Variants in PSD3 observed in about 807,000 individuals in gnomAD.
PSD3 encodes the protein PH and SEC7 domain-containing protein 3.
A neutral mutation model predicts 105.5 loss-of-function variants in PSD3; 49 were observed. The observed-to-expected ratio is 0.46, with a 90% CI of 0.37 to 0.59. PSD3 has a LOEUF of 0.59. Among genes scored for constraint, PSD3 ranks in the 20% least tolerant of loss-of-function variants. The pLI is 0.00. For missense variants in PSD3, 1,561 were observed against 1,263.8 expected (o/e 1.24, Z -3.57); for synonymous variants, 557 against 457.8 (o/e 1.22, Z -2.77).
chr8:18,782,454 C>T (rs963087085), intron 8 of PSD3, among the ~76,000 whole-genome samples: 1 of 152,106 alleles, frequency 6.6e-6, no homozygotes, highest in African/African-American at 2.4e-5. Flanking sequence ...TCAGTGGTGT[C>T]TATGAGTTCC....
At chr8:18,663,968 A>G (rs187812495) in intron 9 of PSD3, among the ~76,000 whole-genome samples, 38 of 152,328 alleles carry the variant, frequency 2.5e-4, no homozygotes, top group Middle Eastern at 3.4e-3. Flanking sequence ...GTAATCAGTG[A>G]TCTTTGATGT....
At chr8:19,000,480 C>T (rs6995432) in intron 1 of PSD3, 1 of 151,002 alleles carries the variant, frequency 6.6e-6, no homozygotes, top group African/African-American at 2.4e-5. Context: ...ACATCACACC[C>T]GGTGAACACA....
intron 1 of PSD3, among the ~76,000 whole-genome samples, chr8:19,052,345 G>T (rs560854359): frequency 1.3e-5 from 2 of 151,768 alleles, no homozygotes; most frequent in Admixed American, 1.3e-4. Flanking sequence ...GGTGACATGC[G>T]CCTGTAGTCC....
chr8:18,910,637 TAAAAAAA>T (rs34392783), intron 2 of PSD3, among the ~76,000 whole-genome samples: 51 of 97,108 alleles, frequency 5.3e-4, no homozygotes, highest in African/African-American at 1.6e-3. Context: ...TAGAGTATAA[TAAAAAAA>T]AAAAAAAAAA....
chr8:19,024,162 A>T (rs2129475989), intron 1 of PSD3, among the ~76,000 whole-genome samples: 1 of 152,362 alleles, frequency 6.6e-6, no homozygotes, highest in Middle Eastern at 3.4e-3. Flanking sequence ...AAATGTTTTC[A>T]AAAGCAATAT....
chr8:18,973,672 T>C (rs770707448), intron 1 of PSD3, among the ~76,000 whole-genome samples: 10 of 152,330 alleles, frequency 6.6e-5, no homozygotes, highest in African/African-American at 9.6e-5. Context: ...CAGGACTCAA[T>C]CCTAAGTATA....
chr8:18,815,967 C>A (rs528196396), intron 4 of PSD3, among the ~76,000 whole-genome samples: 22 of 152,148 alleles, frequency 1.4e-4, no homozygotes, highest in African/African-American at 5.1e-4. Flanking sequence ...GAATTAGTAC[C>A]CTGGCAAGAA....
chr8:18,851,729 G>A (rs577573467), intron 4 of PSD3, among the ~76,000 whole-genome samples: 38 of 152,258 alleles, frequency 2.5e-4, no homozygotes, highest in African/African-American at 8.4e-4. Flanking sequence ...AAGCCCGACA[G>A]AACTTTCCCT....
chr8:18,611,266 A>T (rs1295501514), intron 11 of PSD3, among the ~76,000 whole-genome samples: 1 of 146,826 alleles, frequency 6.8e-6, no homozygotes, highest in African/African-American at 2.5e-5. Context: ...AAAAAAAAAA[A>T]AAGGTTTTTC....
intron 15 of PSD3, among the ~76,000 whole-genome samples, chr8:18,537,126 T>C (rs1414218569): frequency 2.0e-5 from 3 of 152,310 alleles, no homozygotes; most frequent in African/African-American, 4.8e-5. Flanking sequence ...CAGTATGTTC[T>C]GGGGTTGGCC....
intron 1 of PSD3, among the ~76,000 whole-genome samples, chr8:19,002,399 G>A (rs74327332): frequency 0.029 from 4,350 of 151,786 alleles, 139 homozygotes; most frequent in Admixed American, 0.068. Context: ...TCCTATTATC[G>A]CATTTATTTC....
At chr8:18,976,532 C>T (rs1563480116) in intron 1 of PSD3, among the ~76,000 whole-genome samples, 1 of 152,140 alleles carries the variant, frequency 6.6e-6, no homozygotes, top group Non-Finnish European at 1.5e-5. Context: ...TAGCCAAGTT[C>T]CAAAAGGGTC....
rs1004379542 is a variant in PSD3 at position 18,572,518 on chromosome 8, A to G, written c.2784+10T>C. 1 of 1,613,218 alleles carries G rather than the reference A, an allele frequency of 6.2e-7. No individual in the cohort carries two copies. On this transcript the variant is annotated intron_variant, in intron 14 of 15. Transcript: ENST00000327040. The stretch of plus-strand genomic sequence containing the variant: ...TTTTCCCAAGGTCAAAGCACTATCA[A>G]GATGATTACCTGAGACAGTTTTGTT...
chr8:18,864,259 ATGCCACTTACCATCTGTG>A (rs2129455898), intron 4 of PSD3, among the ~76,000 whole-genome samples: 1 of 152,324 alleles, frequency 6.6e-6, no homozygotes, highest in Non-Finnish European at 1.5e-5. Context: ...AGGGCTGAGT[ATGCCACTTACCATCTGTG>A]TGACCTTTAG....
At chr8:19,000,396 G>GA (rs147279826) in intron 1 of PSD3, among the ~76,000 whole-genome samples, 108,963 of 133,268 alleles carry the variant, frequency 0.82, 44,987 homozygotes, top group East Asian at 0.95. Context: ...GGCTCTGTCT[G>GA]AAAAAAAAAA....
chr8:18,557,701 C>T (rs532734861), intron 14 of PSD3, among the ~76,000 whole-genome samples: 28 of 152,218 alleles, frequency 1.8e-4, no homozygotes, highest in African/African-American at 6.3e-4. Context: ...CAGAAAAGGA[C>T]GAAGGAGAAA....
At chr8:19,013,524 G>C in intron 1 of PSD3, 39 bp downstream of exon 1, 2 of 1,577,324 alleles carry the variant, frequency 1.3e-6, no homozygotes, top group South Asian at 1.1e-5. Context: ...GCGGCGCCGC[G>C]TGCGCACCCC....
chr8:18,593,521 T>G (rs1803768344), intron 12 of PSD3, among the ~76,000 whole-genome samples: 1 of 152,158 alleles, frequency 6.6e-6, no homozygotes. Flanking sequence ...TTTACACTGT[T>G]GGTGGGACTG....
intron 1 of PSD3, among the ~76,000 whole-genome samples, chr8:19,002,725 C>G (rs1484539314): frequency 6.6e-6 from 1 of 151,950 alleles, no homozygotes; most frequent in Non-Finnish European, 1.5e-5. Flanking sequence ...TAAATAATGA[C>G]AAGAAACAGA....
Sources: gnomAD v4.1 joint callset for allele counts (sites outside exome capture counted in the v4.1 genomes callset) on GRCh38, gnomAD v4.1.1 for gene constraint, MANE v1.5 for transcripts, NCBI Gene and HGNC (gene_info 2026-07-23, HGNC 2026-07-21) for gene names.